Variants in UXS1 observed in about 807,000 individuals in gnomAD.
The protein encoded by UXS1 is UDP-glucuronic acid decarboxylase 1.
Under a neutral mutation model 62.6 loss-of-function variants are expected in UXS1, and 33 were observed. The observed-to-expected ratio is 0.53, with a 90% confidence interval of 0.40 to 0.70. The LOEUF (loss-of-function observed/expected upper bound fraction) is 0.70, where lower values mean the gene tolerates loss of function less well. Among genes scored for constraint, UXS1 ranks in the 30% least tolerant of loss-of-function variants. The pLI, the probability that UXS1 is intolerant of heterozygous loss-of-function variation, is 0.00. For synonymous variants in UXS1, 213 were observed against 206.8 expected (o/e 1.03, Z -0.26); for missense variants, 434 against 556.3 (o/e 0.78, Z 2.21).
chr2:106,182,665 G>C lies in UXS1; in HGVS notation c.94+11483C>G, dbSNP rs920432198. 3.9e-4 allele frequency among the ~76,000 whole-genome samples: 59 copies of C among 152,280 alleles called. No homozygotes were observed. In the Middle Eastern group the frequency reaches 0.01, roughly 26 times the overall value. On this transcript the variant is annotated intron_variant, in intron 1 of 14. Transcript: ENST00000283148. ...CACCACAGCTGTGCCCCAACCCAGA[G>C]GGCTGTCAGTGCTCTGGGCTCATTC...
At chr2:106,128,357 C>T (rs1408580753) in intron 7 of UXS1, among the ~76,000 whole-genome samples, 1 of 152,158 alleles carries the variant, frequency 6.6e-6, no homozygotes, top group African/African-American at 2.4e-5. Context: ...TGTGATGGTT[C>T]ATTTTATGTG....
At chr2:106,098,421 T>C (rs1235654492) in intron 13 of UXS1, among the ~76,000 whole-genome samples, 2 of 152,208 alleles carry the variant, frequency 1.3e-5, no homozygotes, top group African/African-American at 2.4e-5. Context: ...AATCCAATAG[T>C]TGTCACCCAT....
At chr2:106,130,649 TTCC>T (rs1205573004) in intron 6 of UXS1, among the ~76,000 whole-genome samples, 1 of 152,224 alleles carries the variant, frequency 6.6e-6, no homozygotes. Flanking sequence ...TGCCCGGGCC[TTCC>T]GGGCTCCCCT....
chr2:106,108,945 C>T (rs186236472), intron 10 of UXS1, among the ~76,000 whole-genome samples: 3 of 151,462 alleles, frequency 2.0e-5, no homozygotes, highest in Non-Finnish European at 4.4e-5. Flanking sequence ...AACCCTTACC[C>T]TCGATATCTG....
chr2:106,097,455 G>C (rs1677214256), intron 13 of UXS1: 1 of 347,676 alleles, frequency 2.9e-6, no homozygotes, highest in African/African-American at 2.1e-5. Flanking sequence ...GTGTCATGGA[G>C]GCCACATTGC....
At chr2:106,097,065 G>A (rs1195452525) in intron 13 of UXS1, 7 of 630,118 alleles carry the variant, frequency 1.1e-5, no homozygotes, top group Non-Finnish European at 2.1e-5. Context: ...AGCTCGGTGG[G>A]GGGCAGGTTA....
intron 11 of UXS1, chr2:106,101,757 C>T (rs1319017507): frequency 6.6e-6 from 1 of 152,258 alleles, no homozygotes; most frequent in African/African-American, 2.4e-5. Context: ...GGATTGTGAT[C>T]AACTAGGCCA....
At chr2:106,146,842 A>C (rs1681619289) in intron 5 of UXS1, among the ~76,000 whole-genome samples, 1 of 150,922 alleles carries the variant, frequency 6.6e-6, no homozygotes, top group Non-Finnish European at 1.5e-5. Flanking sequence ...AGGAGAAGTA[A>C]GGGGAGGCTA....
intron 1 of UXS1, among the ~76,000 whole-genome samples, chr2:106,186,023 A>G (rs1352347116): frequency 1.3e-5 from 2 of 152,258 alleles, no homozygotes; most frequent in Admixed American, 1.3e-4. Context: ...TAATACAGTG[A>G]GAGAAGAAAA....
rs759029785 is a variant in UXS1 at position 106,100,901 on chromosome 2, GTGTT to G, written c.984+153_984+156del. 4.8e-4 allele frequency: 435 copies of G among 897,432 alleles called. 1 individual carries two copies. The highest frequency in any genetic ancestry group is 5.0e-4 in the Non-Finnish European group (285 of 573,828). 55.6% of individuals were successfully genotyped at this position (897,432 alleles called of 1,614,324 possible). ...TTACTTCTTTGTATACTCTTACTTT[GTGTT>G]TGTTTGTTTTTCCTCTAGTATTTAG... On this transcript the variant is annotated intron_variant, in intron 12 of 14. Coordinates refer to ENST00000283148, the MANE Select transcript of UXS1 (RefSeq NM_001253875.2).
Position 106,189,742 on chromosome 2 carries a change from G to A in UXS1, c.94+4406C>T, listed in dbSNP as rs139884503. 9.9e-5 allele frequency among the ~76,000 whole-genome samples: 15 copies of A among 152,200 alleles called. No homozygotes were observed. In the East Asian group the frequency reaches 2.7e-3, roughly 27 times the overall value. ...TGGCTTGAAATTCTTCAACAATACT[G>A]GAGGCCAAAAAGGATTGGACCAATG... On this transcript the variant is annotated intron_variant, in intron 1 of 14. Transcript: ENST00000283148.
intron 1 of UXS1, among the ~76,000 whole-genome samples, chr2:106,178,255 CG>C (rs1221663323): frequency 6.6e-6 from 1 of 152,162 alleles, no homozygotes; most frequent in African/African-American, 2.4e-5. Flanking sequence ...CGTCTTTACA[CG>C]GTTTGTCCAA....
At chr2:106,172,969 A>G (rs1683658267) in intron 1 of UXS1, among the ~76,000 whole-genome samples, 1 of 152,180 alleles carries the variant, frequency 6.6e-6, no homozygotes, top group African/African-American at 2.4e-5. Flanking sequence ...TTACCTTATA[A>G]AAGAGGTCTT....
At chr2:106,119,272 C>T (rs979559043) in intron 9 of UXS1, among the ~76,000 whole-genome samples, 37 of 152,294 alleles carry the variant, frequency 2.4e-4, no homozygotes, top group African/African-American at 7.2e-4. Flanking sequence ...TGCTCACTCA[C>T]GCTTCTTTAC....
Position 106,123,092 on chromosome 2 carries a change from C to T in UXS1, c.638-1G>A. On this transcript the variant is annotated splice_acceptor_variant, in intron 8 of 14. Coordinates refer to ENST00000283148, the MANE Select transcript of UXS1 (RefSeq NM_001253875.2). LOFTEE classifies it high-confidence loss of function. ...TCACTTTGAGGGTGGACTTCAGGAT[C>T]TACGATGGGAGAAAAGTGAGACTGT... 6.2e-7 allele frequency: 1 copy of T among 1,613,718 alleles called. No homozygotes were observed. Among genetic ancestry groups the T allele is most frequent in the Non-Finnish European group, 8.5e-7 (1 of 1,179,734 alleles).
chr2:106,096,477 G>A (rs1177090378), intron 14 of UXS1, among the ~76,000 whole-genome samples: 1 of 152,192 alleles, frequency 6.6e-6, no homozygotes, highest in Non-Finnish European at 1.5e-5. Flanking sequence ...GTGTGCATGA[G>A]AGATTTTACG....
chr2:106,107,564 C>T (rs901626489), intron 10 of UXS1, among the ~76,000 whole-genome samples: 4 of 152,228 alleles, frequency 2.6e-5, no homozygotes, highest in African/African-American at 9.6e-5. Context: ...TGAAGAACCA[C>T]GCCAGGTACC....
chr2:106,138,239 A>G (rs1680821089), intron 6 of UXS1: 2 of 985,466 alleles, frequency 2.0e-6, no homozygotes, highest in Non-Finnish European at 2.4e-6. Context: ...TCCAGACGTC[A>G]GTCTGTATGG....
At chr2:106,171,260 T>C (rs1683537708) in intron 1 of UXS1, among the ~76,000 whole-genome samples, 1 of 150,896 alleles carries the variant, frequency 6.6e-6, no homozygotes, top group Non-Finnish European at 1.5e-5. Flanking sequence ...ATGAGTGTCC[T>C]TTTCCAACAA....
Sources: allele counts gnomAD v4.1 joint callset (sites outside exome capture counted in the v4.1 genomes callset), GRCh38; gene constraint gnomAD v4.1.1; transcripts MANE v1.5; gene names NCBI Gene and HGNC (gene_info 2026-07-23, HGNC 2026-07-21).